Variants in MIGA1 observed in about 807,000 individuals in gnomAD.
MIGA1 encodes the protein family with sequence similarity 73, member A.
Under a neutral mutation model 82.0 loss-of-function variants are expected in MIGA1, and 58 were observed. The ratio of observed to expected loss-of-function variants is 0.71; its 90% CI spans 0.57 to 0.88. The LOEUF (loss-of-function observed/expected upper bound fraction) is 0.88. MIGA1 is among the 40% of genes least tolerant of loss of function. MIGA1 has a pLI of 0.00. For synonymous variants in MIGA1, 249 were observed against 253.6 expected (o/e 0.98, Z 0.17); for missense variants, 751 against 749.1 (o/e 1.00, Z -0.03).
At chr1:77,846,151 C>G (rs1191363066) in intron 8 of MIGA1, among the ~76,000 whole-genome samples, 2 of 152,096 alleles carry the variant, frequency 1.3e-5, no homozygotes, top group Admixed American at 1.3e-4. Context: ...CCCTTTACCC[C>G]CCAGCCCTTG....
intron 8 of MIGA1, chr1:77,848,842 C>G (rs2101904625): frequency 1.8e-6 from 2 of 1,087,718 alleles, no homozygotes; most frequent in East Asian, 5.7e-5. Flanking sequence ...GCACAGAAAA[C>G]TGTAATTCCT....
chr1:77,803,903 AAG>A (rs924733837), intron 4 of MIGA1, among the ~76,000 whole-genome samples: 1 of 152,164 alleles, frequency 6.6e-6, no homozygotes, highest in Non-Finnish European at 1.5e-5. Context: ...AAGTAACTAA[AAG>A]ATTATAATTA....
Position 77,806,648 on chromosome 1 carries a change from G to A in MIGA1, c.511-327G>A, listed in dbSNP as rs556058388. On this transcript the variant is annotated intron_variant, in intron 4 of 15. Transcript: ENST00000370791. Reference sequence around the variant, plus strand: ...TTCTAAAAGAAAAATAAGCTAGCTAGCTTAAATCACAGTAGGTATAGATAA... The same window carrying A: ...TTCTAAAAGAAAAATAAGCTAGCTAACTTAAATCACAGTAGGTATAGATAA... Among the ~76,000 whole-genome samples, 7 of 152,308 alleles carry A rather than the reference G, an allele frequency of 4.6e-5. No individual in the cohort carries two copies. In the East Asian group the frequency reaches 1.3e-3, roughly 29 times the overall value.
intron 7 of MIGA1, among the ~76,000 whole-genome samples, chr1:77,842,809 T>G (rs1684677156): frequency 6.6e-6 from 1 of 152,252 alleles, no homozygotes. Flanking sequence ...CCCAGAGTGC[T>G]GGGATTACAG....
intron 8 of MIGA1, among the ~76,000 whole-genome samples, chr1:77,852,828 T>C (rs1159663698): frequency 1.3e-5 from 2 of 152,158 alleles, no homozygotes; most frequent in Non-Finnish European, 2.9e-5. Context: ...GTAGCTGGTA[T>C]TATAGGCATG....
At chr1:77,840,098 T>G (rs6604878) in intron 7 of MIGA1, among the ~76,000 whole-genome samples, 103,884 of 152,060 alleles carry the variant, frequency 0.68, 37,402 homozygotes, top group Non-Finnish European at 0.81. Flanking sequence ...AAGCAGTTAG[T>G]TTGGGATATT....
At chr1:77,805,065 G>A (rs947910357) in intron 4 of MIGA1, among the ~76,000 whole-genome samples, 5 of 140,130 alleles carry the variant, frequency 3.6e-5, no homozygotes, top group African/African-American at 1.1e-4. Flanking sequence ...CACAATCTCC[G>A]CTCACTGCAA....
chr1:77,800,621 T>TTATA (rs1293753651), intron 2 of MIGA1, among the ~76,000 whole-genome samples: 27 of 152,354 alleles, frequency 1.8e-4, no homozygotes, highest in South Asian at 1.7e-3. Flanking sequence ...ATGTTAGTAC[T>TTATA]TATATAACTT....
At chr1:77,857,726 G>GTTTTTTTTTT (rs766194564) in intron 8 of MIGA1, among the ~76,000 whole-genome samples, 24 of 110,960 alleles carry the variant, frequency 2.2e-4, no homozygotes, top group African/African-American at 2.7e-4. Flanking sequence ...CTGGGTTGTT[G>GTTTTTTTTTT]TTTTTTTTTT....
chr1:77,780,127 A>T (rs930713105), intron 1 of MIGA1: 3 of 997,024 alleles, frequency 3.0e-6, no homozygotes, highest in Non-Finnish European at 3.6e-6. Context: ...TGGCAAAGAA[A>T]AAGGAAGACA....
intron 7 of MIGA1, among the ~76,000 whole-genome samples, chr1:77,821,390 A>AT (rs199521038): frequency 0.011 from 1,575 of 137,600 alleles, 19 homozygotes; most frequent in African/African-American, 0.029. Context: ...ATAGTTTTAG[A>AT]TTTTTTTTTT....
chr1:77,864,163 C>A (rs1685572916), intron 13 of MIGA1, 135 bp downstream of exon 13: 3 of 780,812 alleles, frequency 3.8e-6, no homozygotes, highest in South Asian at 3.6e-5. Flanking sequence ...GAGTTTGAGA[C>A]CAGCCTGGCC....
At chr1:77,826,630 C>T (rs1684035891) in intron 7 of MIGA1, among the ~76,000 whole-genome samples, 1 of 152,088 alleles carries the variant, frequency 6.6e-6, no homozygotes, top group Admixed American at 6.5e-5. Context: ...CGTGAACTAC[C>T]ATGACTAGCT....
chr1:77,863,958 T>G lies in MIGA1; in HGVS notation c.1439T>G (p.Leu480Trp). ...ATATTAATGGACTCCTTTGAAGATTTGGAAAACCCACCCACATCCATACAG... is the reference window on the plus strand; with the variant it reads ...ATATTAATGGACTCCTTTGAAGATTGGGAAAACCCACCCACATCCATACAG... Residue 480 changes from leucine (L) to tryptophan (W), a missense_variant, in exon 13 of 16, where the codon TTG becomes TGG. Physicochemically the swap from Leu to Trp is moderately conservative, Grantham distance 61 (BLOSUM62 -2). Around this residue, in one of 3 missense-constraint regions of MIGA1, gnomAD observed 265 missense variants for 293.6 expected, o/e 0.90. Transcript: ENST00000370791. The G allele has an allele frequency of 6.2e-7, 1 of 1,606,070 alleles. No individual in the cohort carries two copies. Among genetic ancestry groups the G allele is most frequent in the Non-Finnish European group, 8.5e-7 (1 of 1,177,868 alleles).
intron 5 of MIGA1, among the ~76,000 whole-genome samples, chr1:77,813,093 C>T (rs537625531): frequency 5.9e-5 from 9 of 152,102 alleles, no homozygotes; most frequent in East Asian, 1.9e-4. Context: ...CCGATTCTCC[C>T]GCATCAGCCT....
intron 14 of MIGA1, among the ~76,000 whole-genome samples, chr1:77,869,673 A>C (rs1307049496): frequency 8.4e-6 from 1 of 119,498 alleles, no homozygotes; most frequent in Admixed American, 7.8e-5. Flanking sequence ...CACCTCCCGG[A>C]CGGGGCGGCC....
intron 5 of MIGA1, among the ~76,000 whole-genome samples, chr1:77,808,066 C>T (rs1183728880): frequency 6.6e-5 from 10 of 151,862 alleles, no homozygotes; most frequent in South Asian, 2.1e-4. Context: ...TTGATTTACC[C>T]GCCTCGGTCT....
intron 8 of MIGA1, among the ~76,000 whole-genome samples, chr1:77,852,931 TC>T (rs1344149523): frequency 2.0e-5 from 3 of 152,200 alleles, no homozygotes; most frequent in African/African-American, 7.2e-5. Flanking sequence ...CCTCAAGTGA[TC>T]CGCCTGCCTC....
At chr1:77,785,161 A>G (rs1280048987) in intron 2 of MIGA1, among the ~76,000 whole-genome samples, 4 of 152,176 alleles carry the variant, frequency 2.6e-5, no homozygotes, top group African/African-American at 4.8e-5. Flanking sequence ...CCAAAGTCTC[A>G]TCTGAGACAA....
Sources: gnomAD v4.1 joint callset for allele counts (sites outside exome capture counted in the v4.1 genomes callset) on GRCh38, gnomAD v4.1.1 for gene constraint, gnomAD v4.1.1 regional missense constraint, MANE v1.5 for transcripts, NCBI Gene and HGNC (gene_info 2026-07-23, HGNC 2026-07-21) for gene names.